The following SPATA7 variants were observed in gnomAD, a reference collection of about 807,000 sequenced individuals.
SPATA7 encodes spermatogenesis associated 7.
SPATA7 carries 43 observed loss-of-function variants against 51.8 expected under a neutral mutation model. The observed-to-expected ratio is 0.83, with a 90% CI of 0.65 to 1.07. The LOEUF is 1.07. SPATA7 is among the 50% of genes least tolerant of loss of function. The pLI is 0.00. For synonymous variants in SPATA7, 230 were observed against 252.8 expected, an observed-to-expected ratio of 0.91 and a Z score of 0.86; for missense variants, 683 against 701.3, an observed-to-expected ratio of 0.97 and a Z score of 0.30.
intron 9 of SPATA7, chr14:88,432,720 T>A (rs1370808919): frequency 2.6e-5 from 4 of 156,082 alleles, no homozygotes; most frequent in Non-Finnish European, 5.7e-5. Context: ...TCTTCCTTCT[T>A]GCAAATGCTT....
chr14:88,440,331 G>A (rs911881264), downstream of SPATA7, among the ~76,000 whole-genome samples: 6 of 152,032 alleles, frequency 3.9e-5, no homozygotes, highest in Admixed American at 3.9e-4. Context: ...CTTGTCTCTG[G>A]GGCCATGACC....
At chr14:88,444,829 G>A (rs1021251581) in intron 3 of SPATA7, among the ~76,000 whole-genome samples, 10 of 152,140 alleles carry the variant, frequency 6.6e-5, no homozygotes, top group African/African-American at 2.4e-4. Flanking sequence ...CCTCTGTTCT[G>A]TTCCATTGAT....
chr14:88,385,790 TC>T lies in SPATA7; in HGVS notation c.-26del, dbSNP rs781141828. On this transcript the variant is annotated 5_prime_UTR_variant, in exon 1 of 12. Coordinates refer to ENST00000393545, the MANE Select transcript of SPATA7 (RefSeq NM_018418.5). ...GAAGGACCGAAGGGGATACAGCGTG[TC>T]CCTGCGGCGGCTGCAAGAGGACTAA... The T allele has an allele frequency of 1.3e-6, 2 of 1,598,846 alleles. No homozygotes were observed. Among genetic ancestry groups the T allele is most frequent in the East Asian group, 4.5e-5 (2 of 44,484 alleles).
chr14:88,387,792 T>C (rs1329118836), intron 1 of SPATA7, among the ~76,000 whole-genome samples: 4 of 152,122 alleles, frequency 2.6e-5, no homozygotes, highest in Non-Finnish European at 5.9e-5. Flanking sequence ...TTGGACTAGG[T>C]ATATATAAGG....
At chr14:88,444,709 C>A (rs977103846) in intron 3 of SPATA7, among the ~76,000 whole-genome samples, 6 of 152,152 alleles carry the variant, frequency 3.9e-5, no homozygotes, top group African/African-American at 1.4e-4. Flanking sequence ...ATATGGCTAG[C>A]CAGTTTTCCC....
chr14:88,466,566 C>T (rs746964720), intron 4 of SPATA7: 3 of 152,092 alleles, frequency 2.0e-5, no homozygotes, highest in African/African-American at 2.4e-5. Flanking sequence ...AAGAAGAGAC[C>T]CCAAAAAGAA....
intron 4 of SPATA7, among the ~76,000 whole-genome samples, chr14:88,399,917 C>T (rs560169108): frequency 6.6e-6 from 1 of 152,146 alleles, no homozygotes; most frequent in African/African-American, 2.4e-5. Flanking sequence ...ATAGTGGATA[C>T]ATATTATAAG....
chr14:88,393,251 T>G, intron 2 of SPATA7, 142 bp from the exon 3 acceptor site: 1 of 641,518 alleles, frequency 1.6e-6, no homozygotes, highest in Non-Finnish European at 2.7e-6. Flanking sequence ...AGATTAAAGC[T>G]TCACATCACA....
intron 7 of SPATA7, chr14:88,428,229 G>A (rs1265962511): frequency 6.6e-6 from 1 of 151,960 alleles, no homozygotes; most frequent in Non-Finnish European, 1.5e-5. Context: ...TTAAAATATT[G>A]CAACTTTGAG....
rs57942112 is a variant in SPATA7 at position 88,401,836 on chromosome 14, C to CAAA, written c.238+5657_238+5659dup. On this transcript the variant is annotated intron_variant, in intron 4 of 11. Transcript: ENST00000393545. ...TGGGCAGCAGAGAAAGACCCTGTCT[C>CAAA]AAAAAAAAAAAAAAAAAAAAAAAAA... 3.9e-4 allele frequency among the ~76,000 whole-genome samples: 13 copies of CAAA among 33,214 alleles called. 1 individual carries two copies. The highest frequency in any genetic ancestry group is 8.0e-4 in the Admixed American group (2 of 2,512). The allele number at this position is 33,214 out of a possible 152,430, so 21.8% of individuals were successfully genotyped here. A position where few individuals can be genotyped will look rare whatever the true frequency, so the allele number is the denominator to read the frequency against.
At chr14:88,452,720 T>C (rs1231446101) in intron 3 of SPATA7, among the ~76,000 whole-genome samples, 1 of 152,186 alleles carries the variant, frequency 6.6e-6, no homozygotes, top group African/African-American at 2.4e-5. Context: ...GTATACCCCC[T>C]GCTGCTAGTA....
chr14:88,413,180 G>A (rs1272912956), intron 4 of SPATA7, among the ~76,000 whole-genome samples: 2 of 152,150 alleles, frequency 1.3e-5, no homozygotes, highest in Non-Finnish European at 2.9e-5. Context: ...TCCAATCCAC[G>A]AACATGGAAT....
At chr14:88,451,614 C>T (rs1365167018) in intron 3 of SPATA7, among the ~76,000 whole-genome samples, 4 of 151,646 alleles carry the variant, frequency 2.6e-5, no homozygotes, top group African/African-American at 9.7e-5. Flanking sequence ...GCAACCTCTG[C>T]CTCCCTAGGT....
At chr14:88,427,953 A>G in intron 7 of SPATA7, 1 of 387,448 alleles carries the variant, frequency 2.6e-6, no homozygotes, top group Non-Finnish European at 4.8e-6. Context: ...GGCTGGCTGG[A>G]CAAATGGAAG....
In SPATA7 at chr14:88,435,838, A is replaced by G. The variant is rs143723509; in HGVS notation, c.1161-1705A>G. Among the ~76,000 whole-genome samples the G allele has an allele frequency of 3.3e-5, 5 of 152,254 alleles. No individual in the cohort carries two copies. In the East Asian group the frequency reaches 9.7e-4, roughly 29 times the overall value. ...TTTATCCATTCATTTGTTAATGGAC[A>G]CTTAGTTGCTTCCAAATCTTAGCTG... is the stretch of plus-strand genomic sequence containing the variant. On this transcript the variant is annotated intron_variant, in intron 10 of 11. Transcript: ENST00000393545.
chr14:88,407,083 G>T (rs1323180360), intron 4 of SPATA7, among the ~76,000 whole-genome samples: 1 of 152,170 alleles, frequency 6.6e-6, no homozygotes, highest in Non-Finnish European at 1.5e-5. Flanking sequence ...ACATATGTGT[G>T]CATGTGTCTT....
chr14:88,406,012 T>A (rs2076190454), intron 4 of SPATA7, among the ~76,000 whole-genome samples: 1 of 152,250 alleles, frequency 6.6e-6, no homozygotes, highest in East Asian at 1.9e-4. Context: ...TAATTGCAAA[T>A]ATTATAATCA....
chr14:88,414,407 G>C (rs73321898), intron 4 of SPATA7, among the ~76,000 whole-genome samples: 5,363 of 151,950 alleles, frequency 0.035, 312 homozygotes, highest in African/African-American at 0.12. Context: ...TTGTAATGTT[G>C]CCTTTGTCAT....
intron 3 of SPATA7, among the ~76,000 whole-genome samples, chr14:88,444,602 G>A (rs2077199063): frequency 6.6e-6 from 1 of 152,058 alleles, no homozygotes; most frequent in South Asian, 2.1e-4. Context: ...TTCTTCTAGG[G>A]TTTTTATGGT....
Sources: gnomAD v4.1 joint callset for allele counts (sites outside exome capture counted in the v4.1 genomes callset) on GRCh38, gnomAD v4.1.1 for gene constraint, MANE v1.5 for transcripts, NCBI Gene and HGNC (gene_info 2026-07-23, HGNC 2026-07-21) for gene names.